WDR41: variants seen among roughly 807,000 people sequenced by gnomAD.
WDR41 encodes WD repeat-containing protein 41.
Under a neutral mutation model 69.3 loss-of-function variants are expected in WDR41, and 63 were observed. That is an observed-to-expected ratio of 0.91 (90% CI 0.74 to 1.12). The LOEUF is 1.12. Ranked by LOEUF, WDR41 falls within the 50% of genes most tolerant of loss-of-function variation. The pLI, the probability that WDR41 is intolerant of heterozygous loss-of-function variation, is 0.00. For missense variants in WDR41, 543 were observed against 534.5 expected, an observed-to-expected ratio of 1.02 and a Z score of -0.16; for synonymous variants, 185 against 192.1, an observed-to-expected ratio of 0.96 and a Z score of 0.31.
intron 1 of WDR41, among the ~76,000 whole-genome samples, chr5:77,616,909 A>AAATGGGATTT (rs1744690058): frequency 2.0e-5 from 3 of 152,142 alleles, no homozygotes; most frequent in Admixed American, 6.6e-5. Flanking sequence ...ATCCCATTAA[A>AAATGGGATTT]AATGTTTTTA....
At chr5:77,563,906 A>G (rs892209567) in intron 1 of WDR41, among the ~76,000 whole-genome samples, 4 of 152,130 alleles carry the variant, frequency 2.6e-5, no homozygotes, top group African/African-American at 9.7e-5. Flanking sequence ...AGGTCAGTTG[A>G]AAAATGTTGA....
intron 8 of WDR41, among the ~76,000 whole-genome samples, chr5:77,448,546 T>C (rs1799478505): frequency 1.3e-5 from 2 of 152,124 alleles, no homozygotes; most frequent in South Asian, 4.2e-4. Flanking sequence ...CTCGCTCCCC[T>C]TTGTCTCACA....
At chr5:77,434,985 C>T (rs1342316878) in intron 12 of WDR41, among the ~76,000 whole-genome samples, 1 of 152,132 alleles carries the variant, frequency 6.6e-6, no homozygotes, top group Admixed American at 6.5e-5. Context: ...CAAGGACATC[C>T]ATAATCTGAC....
At chr5:77,474,655 C>T (rs1800811232) in intron 2 of WDR41, among the ~76,000 whole-genome samples, 1 of 151,992 alleles carries the variant, frequency 6.6e-6, no homozygotes, top group African/African-American at 2.4e-5. Flanking sequence ...TAACATGACT[C>T]TAACATCTAA....
In WDR41 at chr5:77,608,075, C is replaced by T. The variant is rs142965803; in HGVS notation, c.42+12404G>A. ...AACTCACCCATTAAACAATAACTCC[C>T]GATTCTCCCCCTACAAACCCTGGCA... On this transcript the variant is annotated intron_variant, in intron 1 of 5. Transcript: ENST00000509971. Among the ~76,000 whole-genome samples, 47 of 152,270 alleles carry T rather than the reference C, an allele frequency of 3.1e-4. 1 individual carries two copies. The East Asian group carries it at 7.5e-3, about 24-fold the overall frequency.
intron 2 of WDR41, among the ~76,000 whole-genome samples, chr5:77,465,174 G>C (rs549450074): frequency 1.3e-5 from 2 of 152,066 alleles, no homozygotes; most frequent in Non-Finnish European, 2.9e-5. Context: ...AAGTGATTAC[G>C]ATGTTAAATA....
intron 1 of WDR41, among the ~76,000 whole-genome samples, chr5:77,614,001 T>G (rs1229693306): frequency 2.6e-5 from 4 of 152,150 alleles, no homozygotes; most frequent in Non-Finnish European, 5.9e-5. Context: ...GAACAGACAC[T>G]TCTCAAAAGA....
chr5:77,523,814 T>G (rs1280327125), intron 1 of WDR41, among the ~76,000 whole-genome samples: 1 of 152,214 alleles, frequency 6.6e-6, no homozygotes, highest in Non-Finnish European at 1.5e-5. Context: ...GAATATTGAC[T>G]GCATTGACTG....
At chr5:77,615,687 CA>C (rs10695519) in intron 1 of WDR41, among the ~76,000 whole-genome samples, 799 of 79,390 alleles carry the variant, frequency 0.01, 8 homozygotes, top group African/African-American at 0.025. Context: ...TACTGCAAGT[CA>C]AAAAAAAAAA....
At chr5:77,446,296 A>C (rs1477766370) in intron 8 of WDR41, among the ~76,000 whole-genome samples, 2 of 152,218 alleles carry the variant, frequency 1.3e-5, no homozygotes, top group Non-Finnish European at 2.9e-5. Context: ...ATGGAAAAAC[A>C]TTTCATCCTC....
At position 77,574,072 on chromosome 5, in the gene WDR41, C is replaced by A. The variant is rs1022455256; in HGVS notation, c.42+46407G>T. Among the ~76,000 whole-genome samples, 9 of 152,112 alleles carry A rather than the reference C, an allele frequency of 5.9e-5. No individual in the cohort carries two copies. The South Asian group carries it at 8.3e-4, about 14-fold the overall frequency. Reference sequence around the variant, plus strand: ...CAGCACTTTGGGAGGCAGAGGCAGGCGAATCACCTGAGGCCAGGAGTTCCA... The same window carrying A: ...CAGCACTTTGGGAGGCAGAGGCAGGAGAATCACCTGAGGCCAGGAGTTCCA... On this transcript the variant is annotated intron_variant, in intron 1 of 5. Coordinates refer to the WDR41 transcript ENST00000509971.
chr5:77,605,743 T>A (rs539208383), intron 1 of WDR41, among the ~76,000 whole-genome samples: 1 of 152,312 alleles, frequency 6.6e-6, no homozygotes, highest in African/African-American at 2.4e-5. Context: ...GCCCATTTTC[T>A]AAGCCTGTTC....
chr5:77,591,882 G>A (rs1170293199), intron 1 of WDR41, among the ~76,000 whole-genome samples: 1 of 152,030 alleles, frequency 6.6e-6, no homozygotes, highest in East Asian at 1.9e-4. Context: ...AATACTGATT[G>A]TAATTATATC....
chr5:77,598,644 C>CTTTTTTTTTTTTT (rs765785617), intron 1 of WDR41, among the ~76,000 whole-genome samples: 3 of 121,358 alleles, frequency 2.5e-5, no homozygotes, highest in African/African-American at 2.9e-5. Context: ...AGTAAGTTTC[C>CTTTTTTTTTTTTT]TTTTTTTTTT....
intron 1 of WDR41, among the ~76,000 whole-genome samples, chr5:77,566,646 G>C (rs563470497): frequency 6.6e-6 from 1 of 152,100 alleles, no homozygotes; most frequent in South Asian, 2.1e-4. Context: ...ACATATGCAC[G>C]CTTGTGTGGT....
At chr5:77,458,300 G>C (rs1799911711) in intron 5 of WDR41, among the ~76,000 whole-genome samples, 1 of 151,966 alleles carries the variant, frequency 6.6e-6, no homozygotes, top group African/African-American at 2.4e-5. Context: ...CTGCCTTTTT[G>C]GGAAAAGATC....
intron 1 of WDR41, chr5:77,491,969 T>TG (rs996269233): frequency 3.3e-6 from 2 of 605,092 alleles, no homozygotes; most frequent in Non-Finnish European, 5.5e-6. Flanking sequence ...AGGGTGCGCC[T>TG]GGGGTCCCGC....
At chr5:77,534,722 CA>C in intron 1 of WDR41, among the ~76,000 whole-genome samples, 1 of 42,050 alleles carries the variant, frequency 2.4e-5, no homozygotes, top group African/African-American at 2.5e-4. Context: ...GTGTGAGCCA[CA>C]CTGACCTGGC....
In WDR41 at chr5:77,525,928, G is replaced by A. The variant is rs772588422; in HGVS notation, c.43-36356C>T. On this transcript the variant is annotated intron_variant, in intron 1 of 5. Transcript: ENST00000509971. ...TTGTGCCCATTCCACTGCAACACAC[G>A]CCAGCACCACCCTTAGCATTCTGTG... Among the ~76,000 whole-genome samples, 21 of 152,216 alleles carry A rather than the reference G, an allele frequency of 1.4e-4. No homozygotes were observed. The East Asian group carries it at 2.9e-3, about 21-fold the overall frequency.
Sources: gnomAD v4.1 joint callset for allele counts (sites outside exome capture counted in the v4.1 genomes callset) on GRCh38, gnomAD v4.1.1 for gene constraint, MANE v1.5 for transcripts, NCBI Gene and HGNC (gene_info 2026-07-23, HGNC 2026-07-21) for gene names.